Variants in MTMR1 observed in about 807,000 individuals in gnomAD.
MTMR1 encodes the protein myotubularin related protein 1.
Under a neutral mutation model 51.6 loss-of-function variants are expected in MTMR1, and 17 were observed. The observed-to-expected ratio is 0.33, with a 90% CI of 0.23 to 0.49. The LOEUF (loss-of-function observed/expected upper bound fraction) is 0.49, where lower values mean the gene tolerates loss of function less well. MTMR1 is among the 20% of genes least tolerant of loss of function. MTMR1 has a pLI of 0.99. For missense variants in MTMR1, 386 were observed against 526.9 expected (o/e 0.73, Z 2.62); for synonymous variants, 201 against 205.6 (o/e 0.98, Z 0.19).
intron 1 of MTMR1, among the ~76,000 whole-genome samples, chrX:150,696,716 CCT>C (rs1557415748): frequency 9.1e-6 from 1 of 109,607 alleles, no homozygotes; most frequent in Non-Finnish European, 1.9e-5. Flanking sequence ...TCTCTCTCTC[CCT>C]CTCTCTTTTA....
intron 8 of MTMR1, 41 bp from the exon 9 acceptor site, chrX:150,731,429 C>T: frequency 9.0e-7 from 1 of 1,115,598 alleles, no homozygotes. Context: ...AGTGTAAAGT[C>T]ATGCATTTCA....
chrX:150,760,360 CTGTTGGGCCTCTT>C (rs2043068968), intron 15 of MTMR1, among the ~76,000 whole-genome samples: 1 of 98,774 alleles, frequency 1.0e-5, no homozygotes, highest in Non-Finnish European at 2.3e-5. Flanking sequence ...AGATGCAAGC[CTGTTGGGCCTCTT>C]TTCTCTGAGA....
chrX:150,747,334 A>C (rs1303292210), intron 13 of MTMR1, among the ~76,000 whole-genome samples: 1 of 110,766 alleles, frequency 9.0e-6, no homozygotes, highest in Non-Finnish European at 1.9e-5. Context: ...GTGCACCTGT[A>C]GTCCCAGTTA....
At position 150,698,119 on chromosome X, in the gene MTMR1, C is replaced by T. The variant is rs782306486; in HGVS notation, c.147-1076C>T. On this transcript the variant is annotated intron_variant, in intron 1 of 15. Coordinates refer to ENST00000445323, the MANE Select transcript of MTMR1 (RefSeq NM_001306144.3). ...CAGCCTGGCCAACATGGTGAAAACCCGTCTCTACTAAAAATACAAAAATTA... is the reference window on the plus strand; with the variant it reads ...CAGCCTGGCCAACATGGTGAAAACCTGTCTCTACTAAAAATACAAAAATTA... Among the ~76,000 whole-genome samples, 6 of 110,483 alleles carry T rather than the reference C, an allele frequency of 5.4e-5. No individual in the cohort carries two copies. The South Asian group carries it at 1.2e-3, about 21-fold the overall frequency.
intron 15 of MTMR1, among the ~76,000 whole-genome samples, chrX:150,758,431 C>T (rs2042970982): frequency 8.9e-6 from 1 of 112,354 alleles, no homozygotes; most frequent in African/African-American, 3.2e-5. Flanking sequence ...CTCCCCACGC[C>T]CTCTGCCACT....
At chrX:150,706,668 A>G (rs2041116631) in intron 2 of MTMR1, among the ~76,000 whole-genome samples, 1 of 112,307 alleles carries the variant, frequency 8.9e-6, no homozygotes, top group Non-Finnish European at 1.9e-5. Flanking sequence ...ATGATTCAAT[A>G]TAGGGAAGAT....
At chrX:150,760,996 AGAT>A (rs2043107396) in intron 15 of MTMR1, among the ~76,000 whole-genome samples, 1 of 110,163 alleles carries the variant, frequency 9.1e-6, no homozygotes, top group South Asian at 3.9e-4. Context: ...GCTGGTGAAG[AGAT>A]GATAGTGGTG....
chrX:150,721,988 A>G lies in MTMR1; in HGVS notation c.352+3288A>G, dbSNP rs2041766158. On this transcript the variant is annotated intron_variant, in intron 4 of 15. Coordinates refer to ENST00000445323, the MANE Select transcript of MTMR1 (RefSeq NM_001306144.3). ...AAAATGCTTTTGAATTCCCCTTTTG[A>G]TTTCTTCTTTGACCCTTGAGTTATT... Among the ~76,000 whole-genome samples, 3 of 111,268 alleles carry G rather than the reference A, an allele frequency of 2.7e-5. No individual in the cohort carries two copies. The Admixed American group carries it at 2.9e-4, about 11-fold the overall frequency.
At chrX:150,718,490 A>G in intron 3 of MTMR1, 135 bp from the exon 4 acceptor site, 2 of 798,567 alleles carry the variant, frequency 2.5e-6, no homozygotes, top group Non-Finnish European at 3.3e-6. Flanking sequence ...TTGGGTGCTT[A>G]TTTTGCACGC....
intron 12 of MTMR1, among the ~76,000 whole-genome samples, chrX:150,740,180 A>G (rs1363544904): frequency 2.7e-5 from 3 of 111,155 alleles, no homozygotes; most frequent in African/African-American, 9.9e-5. Context: ...CTTTACAACA[A>G]TGTCCTCAAA....
intron 12 of MTMR1, among the ~76,000 whole-genome samples, chrX:150,740,024 C>A (rs2042380115): frequency 9.0e-6 from 1 of 111,606 alleles, no homozygotes; most frequent in African/African-American, 3.3e-5. Flanking sequence ...TGGAACTTTC[C>A]AATTGTTCTT....
chrX:150,728,217 T>C (rs1338534692), intron 6 of MTMR1, among the ~76,000 whole-genome samples: 1 of 112,675 alleles, frequency 8.9e-6, no homozygotes. Context: ...TAGGGAATAA[T>C]GACAAGAAAA....
intron 15 of MTMR1, among the ~76,000 whole-genome samples, chrX:150,761,468 T>TG (rs1198158031): frequency 3.6e-5 from 4 of 110,371 alleles, no homozygotes; most frequent in Non-Finnish European, 5.7e-5. Context: ...TTTGAGGGAG[T>TG]GGGGGAAGGA....
At chrX:150,697,466 A>T (rs1193930896) in intron 1 of MTMR1, among the ~76,000 whole-genome samples, 1 of 111,237 alleles carries the variant, frequency 9.0e-6, no homozygotes, top group African/African-American at 3.3e-5. Flanking sequence ...AAGGCCTGAA[A>T]CATTCTTTAC....
intron 4 of MTMR1, among the ~76,000 whole-genome samples, chrX:150,726,056 G>T (rs1176827252): frequency 8.9e-6 from 1 of 111,965 alleles, no homozygotes; most frequent in Non-Finnish European, 1.9e-5. Flanking sequence ...CCGTGGATCA[G>T]CACTGGTCCA....
intron 10 of MTMR1, chrX:150,735,952 C>T (rs112319447): frequency 0.016 from 1,830 of 117,306 alleles, 47 homozygotes; most frequent in African/African-American, 0.056. Context: ...CCTCCACCCA[C>T]GGGTCCTTTC....
Position 150,732,510 on chromosome X carries a change from C to G in MTMR1, c.892-32C>G, listed in dbSNP as rs782171831. On this transcript the variant is annotated intron_variant, in intron 9 of 15. Transcript: ENST00000445323. Reference sequence around the variant, plus strand: ...AATTAGAGCATACATTCTTTAGGAACTGTACTAATATTTATTGCTTAAAAA... The same window carrying G: ...AATTAGAGCATACATTCTTTAGGAAGTGTACTAATATTTATTGCTTAAAAA... 1.2e-5 allele frequency: 14 copies of G among 1,143,061 alleles called. No individual in the cohort carries two copies. The East Asian group carries it at 4.3e-4, about 35-fold the overall frequency. The allele number at this position is 1,143,061 out of a possible 1,213,427, so 94.2% of individuals were successfully genotyped here.
chrX:150,711,692 C>T (rs1258443218), intron 2 of MTMR1, among the ~76,000 whole-genome samples: 6 of 112,381 alleles, frequency 5.3e-5, no homozygotes, highest in South Asian at 3.7e-4. Flanking sequence ...TACCTCTTCC[C>T]GCGTGGAGCC....
In MTMR1 at chrX:150,744,386, A is replaced by G; in HGVS notation, c.1499A>G (p.His500Arg). The change falls in exon 13 of 16, where the codon CAT becomes CGT. Residue 500 changes from histidine to arginine, a missense_variant. His to Arg is a conservative substitution (Grantham distance 29). Coordinates refer to ENST00000445323, the MANE Select transcript of MTMR1 (RefSeq NM_001306144.3). ...ALRVGHGNDNHADADRSPIFL... is the reference protein window; with the variant it reads ...ALRVGHGNDNRADADRSPIFL... ...CGAGTGGGCCATGGTAATGACAACC[A>G]TGCGGATGCTGACCGATCTCCCATA... 1 of 1,211,366 alleles carries G rather than the reference A, an allele frequency of 8.3e-7. No individual in the cohort carries two copies. The highest frequency in any genetic ancestry group is 1.1e-6 in the Non-Finnish European group (1 of 895,189).
Sources: allele counts gnomAD v4.1 joint callset (sites outside exome capture counted in the v4.1 genomes callset), GRCh38; gene constraint gnomAD v4.1.1; transcripts MANE v1.5; gene names NCBI Gene and HGNC (gene_info 2026-07-23, HGNC 2026-07-21).